TCHP: variants seen among roughly 807,000 people sequenced by gnomAD.
The protein encoded by TCHP is trichoplein keratin filament binding, also known as trichoplein keratin filament-binding protein.
Under a neutral mutation model 88.7 loss-of-function variants are expected in TCHP, and 81 were observed. The ratio of observed to expected loss-of-function variants is 0.91; its 90% CI spans 0.76 to 1.10. The LOEUF (loss-of-function observed/expected upper bound fraction) is 1.10. TCHP is among the 50% of genes least tolerant of loss of function. TCHP has a pLI of 0.00. For synonymous variants in TCHP, 232 were observed against 232.5 expected, an observed-to-expected ratio of 1.00 and a Z score of 0.02; for missense variants, 641 against 632.1, an observed-to-expected ratio of 1.01 and a Z score of -0.15.
At chr12:109,904,192 C>G in intron 3 of TCHP, 45 bp downstream of exon 3, 1 of 1,527,066 alleles carries the variant, frequency 6.5e-7, no homozygotes, top group Non-Finnish European at 8.9e-7. Flanking sequence ...CAGGAGTGTT[C>G]CCAGCCTGAG....
chr12:109,901,943 C>T (rs930055213), intron 1 of TCHP, among the ~76,000 whole-genome samples: 1 of 152,180 alleles, frequency 6.6e-6, no homozygotes, highest in Non-Finnish European at 1.5e-5. Context: ...ACCTCTTCAA[C>T]GTAAGTTTCC....
At chr12:109,882,944 AC>A in the TCHP span, among the ~76,000 whole-genome samples, 1 of 151,932 alleles carries the variant, frequency 6.6e-6, no homozygotes, top group East Asian at 1.9e-4. Context: ...GGTGTGAACC[AC>A]CGCGCCTGGC....
In TCHP at chr12:109,915,481, C is replaced by G. The variant is rs1565914787; in HGVS notation, c.1399C>G (p.Gln467Glu). 1 of 1,614,102 alleles carries G rather than the reference C, an allele frequency of 6.2e-7. No homozygotes were observed. Among genetic ancestry groups the G allele is most frequent in the Non-Finnish European group, 8.5e-7 (1 of 1,180,006 alleles). ...EEEEEARRVEQLSDALLQQEA... is the reference protein window; with the variant it reads ...EEEEEARRVEELSDALLQQEA... ...AGAGGAGGAGGCCCGGCGGGTCGAGCAGCTCTCAGATGCCCTGCTGCAGCA... is the reference window on the plus strand; with the variant it reads ...AGAGGAGGAGGCCCGGCGGGTCGAGGAGCTCTCAGATGCCCTGCTGCAGCA... The change falls in exon 12 of 13, where the codon CAG becomes GAG. Residue 467 changes from glutamine (Q) to glutamate (E), a missense_variant. By Grantham distance (29) the Gln-to-Glu change is conservative (BLOSUM62 2). Coordinates refer to ENST00000405876, the MANE Select transcript of TCHP (RefSeq NM_001143852.2).
At chr12:109,890,170 G>A in the TCHP span, among the ~76,000 whole-genome samples, 3 of 152,094 alleles carry the variant, frequency 2.0e-5, no homozygotes, top group Non-Finnish European at 2.9e-5. Context: ...GTCTCACATG[G>A]ATAAACTGTT....
chr12:109,897,512 C>G (rs1869590768), upstream of TCHP, among the ~76,000 whole-genome samples: 1 of 152,094 alleles, frequency 6.6e-6, no homozygotes, highest in Non-Finnish European at 1.5e-5. Context: ...TCAGGTCTCC[C>G]TTACCTTGCC....
chr12:109,898,892 C>T (rs965173990), upstream of TCHP, among the ~76,000 whole-genome samples: 4 of 152,210 alleles, frequency 2.6e-5, no homozygotes, highest in African/African-American at 9.7e-5. Flanking sequence ...AATCTTGGCT[C>T]ACTGCAACCT....
At chr12:109,886,915 G>A in the TCHP span, among the ~76,000 whole-genome samples, 5 of 151,834 alleles carry the variant, frequency 3.3e-5, no homozygotes, top group Admixed American at 2.0e-4. Flanking sequence ...CACCATGTTG[G>A]TCAGGCTGGT....
chr12:109,914,687 G>A, intron 11 of TCHP, 60 bp downstream of exon 11: 3 of 1,474,730 alleles, frequency 2.0e-6, no homozygotes, highest in Non-Finnish European at 2.8e-6. Context: ...CATCATCATG[G>A]GACAGGGTTC....
rs200098117 is a variant in TCHP, at chr12:109,906,683, C to T, written c.525+43C>T. On this transcript the variant is annotated intron_variant, in intron 5 of 12. Transcript: ENST00000405876. ...GGGAATAGCCGCGTATTCTGCTGTG[C>T]GAGACTGTTCACGTCTTTGCATTCG... 9 of 1,519,958 alleles carry T rather than the reference C, an allele frequency of 5.9e-6. No homozygotes were observed. In the South Asian group the frequency reaches 6.7e-5, roughly 11 times the overall value. 94.2% of individuals were successfully genotyped at this position (1,519,958 alleles called of 1,614,324 possible). A position where few individuals can be genotyped will look rare whatever the true frequency, so the allele number is the denominator to read the frequency against.
chr12:109,902,960 T>G, intron 1 of TCHP, 67 bp from the exon 2 acceptor site: 7 of 1,409,940 alleles, frequency 5.0e-6, no homozygotes, highest in Non-Finnish European at 6.7e-6. Context: ...GTTAAAGGGA[T>G]GAGGCCAAGC....
At chr12:109,914,888 CG>C (rs995771804) in intron 11 of TCHP, 5 of 448,370 alleles carry the variant, frequency 1.1e-5, no homozygotes, top group Non-Finnish European at 2.0e-5. Flanking sequence ...GTTGGCTTAC[CG>C]GGGGCCATAG....
At chr12:109,910,084 AGCCGAGATT>A (rs1870399382) in intron 8 of TCHP, among the ~76,000 whole-genome samples, 1 of 152,118 alleles carries the variant, frequency 6.6e-6, no homozygotes, top group South Asian at 2.1e-4. Context: ...GGTTGCAGTG[AGCCGAGATT>A]GCACCACTGC....
In TCHP at chr12:109,915,864, A is replaced by C. The variant is rs147285258; in HGVS notation, c.1464+318A>C. On this transcript the variant is annotated intron_variant, in intron 12 of 12. Coordinates refer to ENST00000405876, the MANE Select transcript of TCHP (RefSeq NM_001143852.2). Reference sequence around the variant, plus strand: ...CACAGCTGCTGAGAGGGGTCAGAGCAGTAGATCTAGGCCTCAACTGTTGAG... The same window carrying C: ...CACAGCTGCTGAGAGGGGTCAGAGCCGTAGATCTAGGCCTCAACTGTTGAG... Among the ~76,000 whole-genome samples the C allele has an allele frequency of 2.6e-3, 395 of 152,316 alleles. 2 individuals are homozygous for C. The highest frequency in any genetic ancestry group is 9.3e-3 in the African/African-American group (385 of 41,566).
chr12:109,887,721 C>T, the TCHP span: 3 of 152,324 alleles, frequency 2.0e-5, no homozygotes, highest in Admixed American at 2.0e-4. Flanking sequence ...TCTGGCCACC[C>T]CCTCCCCATG....
intron 7 of TCHP, 69 bp downstream of exon 7, chr12:109,908,767 G>T: frequency 6.4e-7 from 1 of 1,559,570 alleles, no homozygotes; most frequent in South Asian, 1.1e-5. Context: ...ACTTGCATTC[G>T]TGTTGCTGAA....
At chr12:109,912,945 C>A (rs765986844) in intron 9 of TCHP, 46 bp from the exon 10 acceptor site, 2 of 1,567,616 alleles carry the variant, frequency 1.3e-6, no homozygotes, top group Non-Finnish European at 1.8e-6. Context: ...TCGCTTCCTG[C>A]CAGGGCGGGG....
At chr12:109,904,923 C>A in intron 4 of TCHP, 130 bp downstream of exon 4, 1 of 762,710 alleles carries the variant, frequency 1.3e-6, no homozygotes, top group Non-Finnish European at 2.1e-6. Flanking sequence ...CTGAAAAGAG[C>A]GCCAGGCAGA....
chr12:109,886,057 C>T, the TCHP span, among the ~76,000 whole-genome samples: 1 of 152,182 alleles, frequency 6.6e-6, no homozygotes. Flanking sequence ...AAGTAAATAT[C>T]TCATCACTCA....
chr12:109,881,518 C>T, the TCHP span, among the ~76,000 whole-genome samples: 3 of 152,238 alleles, frequency 2.0e-5, no homozygotes, highest in Admixed American at 6.5e-5. Context: ...CTAGAAAATT[C>T]TGTAAGCAGA....
Sources: gnomAD v4.1 joint callset for allele counts (sites outside exome capture counted in the v4.1 genomes callset) on GRCh38, gnomAD v4.1.1 for gene constraint, MANE v1.5 for transcripts, NCBI Gene and HGNC (gene_info 2026-07-23, HGNC 2026-07-21) for gene names.